The following AMOTL1 variants were observed in gnomAD, a reference collection of about 807,000 sequenced individuals.
AMOTL1 encodes angiomotin-like protein 1.
A neutral mutation model predicts 102.9 loss-of-function variants in AMOTL1; 45 were observed. The ratio of observed to expected loss-of-function variants is 0.44; its 90% CI spans 0.34 to 0.56. AMOTL1 has a LOEUF of 0.56. Among genes scored for constraint, AMOTL1 ranks in the 20% least tolerant of loss-of-function variants. The pLI, the probability that AMOTL1 is intolerant of heterozygous loss-of-function variation, is 0.01. For synonymous variants in AMOTL1, 481 were observed against 484.7 expected (o/e 0.99, Z 0.10); for missense variants, 1,114 against 1,225.6 (o/e 0.91, Z 1.36).
intron 1 of AMOTL1, among the ~76,000 whole-genome samples, chr11:94,789,854 TAGG>T (rs1220504559): frequency 6.6e-6 from 1 of 152,194 alleles, no homozygotes; most frequent in Non-Finnish European, 1.5e-5. Flanking sequence ...TATAAAGTTA[TAGG>T]AGGTTATTGT....
At chr11:94,795,967 G>A (rs1037747988) in intron 2 of AMOTL1, among the ~76,000 whole-genome samples, 3 of 152,120 alleles carry the variant, frequency 2.0e-5, no homozygotes, top group Non-Finnish European at 2.9e-5. Context: ...ACTATAACAC[G>A]TTTTCAGTAA....
intron 2 of AMOTL1, chr11:94,796,865 T>A (rs1951376439): frequency 2.3e-6 from 1 of 436,142 alleles, no homozygotes; most frequent in Non-Finnish European, 3.0e-6. Context: ...ATGGCATATG[T>A]CTATTTACAT....
chr11:94,867,474 G>A lies in AMOTL1; in HGVS notation c.2488+1306G>A, dbSNP rs117433230. ...GCAGGCATCTCTGGTGTCTGTGCCCGTATGCCCCAGGACCTGGCATGTCTA... is the reference window on the plus strand; with the variant it reads ...GCAGGCATCTCTGGTGTCTGTGCCCATATGCCCCAGGACCTGGCATGTCTA... On this transcript the variant is annotated intron_variant, in intron 11 of 12. Coordinates refer to ENST00000433060, the MANE Select transcript of AMOTL1 (RefSeq NM_130847.3). Among the ~76,000 whole-genome samples the A allele has an allele frequency of 7.6e-3, 1,152 of 152,284 alleles. 6 individuals are homozygous for A. The highest frequency in any genetic ancestry group is 0.014 in the Middle Eastern group (4 of 292).
chr11:94,832,087 G>A (rs1952084138), intron 6 of AMOTL1, among the ~76,000 whole-genome samples: 1 of 152,164 alleles, frequency 6.6e-6, no homozygotes, highest in Non-Finnish European at 1.5e-5. Context: ...GATTTATTGG[G>A]AGAATATTTT....
chr11:94,782,100 C>T (rs1240713374), intron 1 of AMOTL1, among the ~76,000 whole-genome samples: 1 of 152,048 alleles, frequency 6.6e-6, no homozygotes, highest in African/African-American at 2.4e-5. Flanking sequence ...TGAAAAAACC[C>T]CTTGTGTGAT....
intron 3 of AMOTL1, among the ~76,000 whole-genome samples, chr11:94,809,238 T>G (rs1025906653): frequency 2.0e-5 from 3 of 152,156 alleles, no homozygotes; most frequent in African/African-American, 7.2e-5. Flanking sequence ...CCCAAAGTGT[T>G]GGGATTACAA....
rs768481413 is a variant in AMOTL1, at chr11:94,768,470, C to T, written c.-42C>T. ...CCACTTCCCCGCGCTGCCCGGCAGC[C>T]GTCTTCCCCAGCCGAGGGACTGAAC... On this transcript the variant is annotated 5_prime_UTR_variant, in exon 1 of 13. Coordinates refer to ENST00000433060, the MANE Select transcript of AMOTL1 (RefSeq NM_130847.3). 4 of 1,566,494 alleles carry T rather than the reference C, an allele frequency of 2.6e-6. No homozygotes were observed. The highest frequency in any genetic ancestry group is 1.7e-6 in the Non-Finnish European group (2 of 1,157,298).
chr11:94,800,406 C>A, intron 3 of AMOTL1, 95 bp downstream of exon 3: 1 of 1,371,382 alleles, frequency 7.3e-7, no homozygotes, highest in Non-Finnish European at 9.8e-7. Flanking sequence ...AGGTTTTTGT[C>A]ATCAGGCTTT....
intron 9 of AMOTL1, among the ~76,000 whole-genome samples, chr11:94,860,803 G>A (rs927291110): frequency 6.6e-6 from 1 of 152,186 alleles, no homozygotes; most frequent in Non-Finnish European, 1.5e-5. Flanking sequence ...GACATGAACC[G>A]AGAGAGGAGT....
intron 3 of AMOTL1, among the ~76,000 whole-genome samples, chr11:94,756,577 A>G (rs891257654): frequency 6.6e-6 from 1 of 152,232 alleles, no homozygotes; most frequent in Non-Finnish European, 1.5e-5. Context: ...ATGACCCACA[A>G]TTGGGTGACC....
chr11:94,808,912 C>G (rs1019829978), intron 3 of AMOTL1, among the ~76,000 whole-genome samples: 1 of 151,352 alleles, frequency 6.6e-6, no homozygotes, highest in Non-Finnish European at 1.5e-5. Flanking sequence ...ATTAAAAACT[C>G]TCAGTGAGGT....
intron 2 of AMOTL1, among the ~76,000 whole-genome samples, chr11:94,795,680 A>C (rs1951354065): frequency 6.6e-6 from 1 of 152,212 alleles, no homozygotes; most frequent in Admixed American, 6.5e-5. Flanking sequence ...GGTTCTTGCT[A>C]AATATGCTTA....
At chr11:94,758,609 G>C (rs151335398) in intron 3 of AMOTL1, among the ~76,000 whole-genome samples, 1 of 152,150 alleles carries the variant, frequency 6.6e-6, no homozygotes, top group African/African-American at 2.4e-5. Flanking sequence ...GCCTCACTAA[G>C]CTATTTTGAA....
intron 3 of AMOTL1, among the ~76,000 whole-genome samples, chr11:94,804,294 G>A (rs1353611006): frequency 6.6e-6 from 1 of 152,188 alleles, no homozygotes; most frequent in Non-Finnish European, 1.5e-5. Flanking sequence ...TAGGCAAATA[G>A]TGTTTTGTTG....
chr11:94,739,245 G>A (rs1322403603), intron 2 of AMOTL1, among the ~76,000 whole-genome samples: 1 of 152,172 alleles, frequency 6.6e-6, no homozygotes, highest in East Asian at 1.9e-4. Context: ...GAGTTCCAGA[G>A]GACAAATGGG....
In AMOTL1 at chr11:94,716,433, T is replaced by C. The variant is rs115166854; in HGVS notation, c.-51+9836T>C. ...GACTTCCACTTGTACCCTGGACATT[T>C]TGGGTATTATTTTAGAACATGCTTC... On this transcript the variant is annotated intron_variant, in intron 1 of 4. Transcript: ENST00000299004. Among the ~76,000 whole-genome samples, 296 of 152,252 alleles carry C rather than the reference T, an allele frequency of 1.9e-3. 2 individuals are homozygous for C. The highest frequency in any genetic ancestry group is 6.0e-3 in the African/African-American group (248 of 41,562).
chr11:94,864,714 C>G, intron 9 of AMOTL1, 21 bp from the exon 10 acceptor site: 1 of 1,609,848 alleles, frequency 6.2e-7, no homozygotes. Flanking sequence ...TATGATCAAA[C>G]GCATATCCTT....
intron 3 of AMOTL1, among the ~76,000 whole-genome samples, chr11:94,757,043 A>C (rs1446493157): frequency 1.1e-5 from 1 of 92,828 alleles, no homozygotes; most frequent in African/African-American, 4.2e-5. Context: ...TATTTTTCCT[A>C]TTTGTTGGGG....
chr11:94,720,562 A>G (rs1394208871), intron 1 of AMOTL1, among the ~76,000 whole-genome samples: 2 of 152,122 alleles, frequency 1.3e-5, no homozygotes, highest in East Asian at 1.9e-4. Context: ...TCCCTCACCT[A>G]AAACCCCTCC....
Sources: allele counts gnomAD v4.1 joint callset (sites outside exome capture counted in the v4.1 genomes callset), GRCh38; gene constraint gnomAD v4.1.1; transcripts MANE v1.5; gene names NCBI Gene and HGNC (gene_info 2026-07-23, HGNC 2026-07-21).